The following MUC5AC variants were observed in gnomAD, a reference collection of about 807,000 sequenced individuals.
MUC5AC encodes the protein mucin 5AC, oligomeric mucus/gel-forming, also known as mucin-5AC.
Under a neutral mutation model 169.7 loss-of-function variants are expected in MUC5AC, and 158 were observed. The ratio of observed to expected loss-of-function variants is 0.93; its 90% CI spans 0.82 to 1.06. The LOEUF is 1.06. Among genes scored for constraint, MUC5AC ranks in the 50% least tolerant of loss-of-function variants. The pLI, the probability that MUC5AC is intolerant of heterozygous loss-of-function variation, is 0.00. For synonymous variants in MUC5AC, 1,975 were observed against 1,237.0 expected (o/e 1.60, Z -12.52); for missense variants, 4,359 against 3,089.9 (o/e 1.41, Z -9.74).
At position 1,193,652 on chromosome 11, in the gene MUC5AC, G is replaced by C. The variant is rs950764858; in HGVS notation, c.14748G>C (p.Gln4916His). The C allele has an allele frequency of 1.3e-6, 1 of 764,990 alleles. No individual in the cohort carries two copies. Among genetic ancestry groups the C allele is most frequent in the Non-Finnish European group, 2.4e-6 (1 of 417,814 alleles). 47.4% of individuals were successfully genotyped at this position (764,990 alleles called of 1,614,324 possible). The change falls in exon 33 of 49, where the codon CAG becomes CAC. Residue 4916 changes from glutamine (Q) to histidine (H), a missense_variant. Physicochemically the swap from Gln to His is conservative, Grantham distance 24 (BLOSUM62 0). Coordinates refer to ENST00000621226, the MANE Select transcript of MUC5AC (RefSeq NM_001304359.2). ...ADQDGCCHHY[Q>H]CQCVCSGWGD... ...AAGATGGCTGCTGCCATCACTACCAGTGCCAGTGTGAGTGGAGCGCCGAGC... is the reference window on the plus strand; with the variant it reads ...AAGATGGCTGCTGCCATCACTACCACTGCCAGTGTGAGTGGAGCGCCGAGC...
rs758986452 is a variant in MUC5AC at position 1,164,487 on chromosome 11, C to T, written c.1084C>T (p.Arg362Trp). 110 of 1,611,518 alleles carry T rather than the reference C, an allele frequency of 6.8e-5. No homozygotes were observed. Among genetic ancestry groups the T allele is most frequent in the African/African-American group, 2.7e-5 (2 of 74,924 alleles). ...CACCTGCTCCAACCAGGAGCACTCC[C>T]GGGCCTGTGAGGACCACTGTGTGGC... Reference protein sequence around the residue: ...ADTCSNQEHSRACEDHCVAGC... With the variant: ...ADTCSNQEHSWACEDHCVAGC... Residue 362 changes from arginine to tryptophan, a missense_variant, in exon 9 of 49, where the codon CGG becomes TGG. Physicochemically the swap from Arg to Trp is moderately radical, Grantham distance 101. Transcript: ENST00000621226.
rs878962167 is a variant in MUC5AC, at chr11:1,182,591, C to T, written c.4446C>T (p.Ser1482=). 2,475 of 398,792 alleles carry T rather than the reference C, an allele frequency of 6.2e-3. 11 individuals are homozygous for T. The highest frequency in any genetic ancestry group is 0.012 in the Middle Eastern group (19 of 1,588). 24.7% of individuals were successfully genotyped at this position (398,792 alleles called of 1,614,324 possible). A position where few individuals can be genotyped will look rare whatever the true frequency, so the allele number is the denominator to read the frequency against. ...AGTGCTGCACGCCCCTACCCTGCTC[C>T]ACCTCTAGCAGTCCAGCCCAGACCA... ...RVQCCTPLPC[S]TSSSPAQTTP... Residue 1482 remains serine (S), a synonymous_variant, in exon 31 of 49, where the codon TCC becomes TCT. Transcript: ENST00000621226.
intron 1 of MUC5AC, among the ~76,000 whole-genome samples, chr11:1,160,077 T>C (rs1195615579): frequency 1.3e-5 from 2 of 152,052 alleles, no homozygotes; most frequent in Non-Finnish European, 2.9e-5. Flanking sequence ...TGCAGGGCTG[T>C]GCGGGGCTGG....
In MUC5AC at chr11:1,181,192, C is replaced by T. The variant is rs1029883610; in HGVS notation, c.3820+10C>T. On this transcript the variant is annotated intron_variant, in intron 29 of 48. Coordinates refer to ENST00000621226, the MANE Select transcript of MUC5AC (RefSeq NM_001304359.2). ...ACCTACAAAGCTGAGGGTGAGCGGCCGGCAGCCCCTGGGGCTGGGGTCCGG... is the reference window on the plus strand; with the variant it reads ...ACCTACAAAGCTGAGGGTGAGCGGCTGGCAGCCCCTGGGGCTGGGGTCCGG... The T allele has an allele frequency of 1.3e-5, 5 of 398,532 alleles. No homozygotes were observed. Among genetic ancestry groups the T allele is most frequent in the Admixed American group, 8.8e-5 (2 of 22,724 alleles). 24.7% of individuals were successfully genotyped at this position (398,532 alleles called of 1,614,324 possible).
In MUC5AC at chr11:1,192,080, A is replaced by T. The variant is rs368632200; in HGVS notation, c.13935A>T (p.Gly4645=). 5.8e-5 allele frequency: 44 copies of T among 764,962 alleles called. No homozygotes were observed. In the African/African-American group the frequency reaches 6.8e-4, roughly 12 times the overall value. The allele number at this position is 764,962 out of a possible 1,614,324, so 47.4% of individuals were successfully genotyped here. The part of the protein sequence containing the change: ...KWFDVDFPSP[G]PHGGDKETYN... ...TCGACGTGGACTTCCCATCCCCTGG[A>T]CCCCACGGCGGGGACAAGGAAACCT... is the stretch of plus-strand genomic sequence containing the variant. The change falls in exon 31 of 49, where the codon GGA becomes GGT. Residue 4645 remains glycine, a synonymous_variant. Coordinates refer to ENST00000621226, the MANE Select transcript of MUC5AC (RefSeq NM_001304359.2).
At chr11:1,162,362 G>T (rs1860168576) in intron 4 of MUC5AC, among the ~76,000 whole-genome samples, 170 bp from the exon 5 acceptor site, 1 of 152,044 alleles carries the variant, frequency 6.6e-6, no homozygotes, top group Non-Finnish European at 1.5e-5. Flanking sequence ...CTCTTATTCT[G>T]CCCCTTCCTA....
intron 2 of MUC5AC, 138 bp from the exon 3 acceptor site, chr11:1,161,389 C>A: frequency 1.7e-6 from 1 of 591,846 alleles, no homozygotes; most frequent in Non-Finnish European, 2.8e-6. Flanking sequence ...TGGGAGGGGG[C>A]CCAACACGCA....
chr11:1,168,756 C>G lies in MUC5AC; in HGVS notation c.1682C>G (p.Pro561Arg). The G allele has an allele frequency of 6.2e-7, 1 of 1,605,968 alleles. No individual in the cohort carries two copies. Residue 561 changes from proline to arginine, a missense_variant, in exon 14 of 49, where the codon CCC becomes CGC. Transcript: ENST00000621226. The stretch of plus-strand genomic sequence containing the variant: ...ATGCAGCTGTTCATGCAGCTGGCGC[C>G]CAAGCTCCGTGGGCAGACCTGCGGT... ...PTMQLFMQLA[P>R]KLRGQTCGLC...
In MUC5AC at chr11:1,189,457, C is replaced by A; in HGVS notation, c.11312C>A (p.Pro3771His). Residue 3771 changes from proline to histidine, a missense_variant, in exon 31 of 49, where the codon CCT (proline) becomes CAT (histidine). Pro to His is a moderately conservative substitution (Grantham distance 77). Transcript: ENST00000621226. ...TSAPTSTSSAPTTNTTSAPTT... is the reference protein window; with the variant it reads ...TSAPTSTSSAHTTNTTSAPTT... ...GCTCCTACGAGCACTTCCTCGGCTC[C>A]TACAACCAACACAACCTCTGCCCCT... is the stretch of plus-strand genomic sequence containing the variant. The A allele has an allele frequency of 1.8e-6, 1 of 568,664 alleles. No homozygotes were observed. Among genetic ancestry groups the A allele is most frequent in the South Asian group, 2.5e-5 (1 of 39,850 alleles). 35.2% of individuals were successfully genotyped at this position (568,664 alleles called of 1,614,324 possible).
rs1860984197 is a variant in MUC5AC at position 1,187,567 on chromosome 11, C to T, written c.9422C>T (p.Thr3141Ile). ...ACCTCTCCTCCTACAACCAGCACAA[C>T]TTCTGCCTCTACAGCCAGCAAAACC... The part of the protein sequence containing the change: ...STTSPPTTST[T>I]SASTASKTSG... Residue 3141 changes from threonine to isoleucine, a missense_variant, in exon 31 of 49, where the codon ACT becomes ATT. Coordinates refer to ENST00000621226, the MANE Select transcript of MUC5AC (RefSeq NM_001304359.2). 1.3e-6 allele frequency: 1 copy of T among 754,950 alleles called. No homozygotes were observed. The highest frequency in any genetic ancestry group is 1.7e-5 in the African/African-American group (1 of 58,770). 46.8% of individuals were successfully genotyped at this position (754,950 alleles called of 1,614,324 possible).
chr11:1,161,914 C>T lies in MUC5AC; in HGVS notation c.219C>T (p.Asn73=). The T allele has an allele frequency of 1.2e-6, 2 of 1,611,532 alleles. No homozygotes were observed. The highest frequency in any genetic ancestry group is 8.5e-7 in the Non-Finnish European group (1 of 1,179,458). Residue 73 remains asparagine (N), a synonymous_variant, in exon 4 of 49, where the codon AAC becomes AAT. Transcript: ENST00000621226. ...LRTIPVVRAS[N]PAHNGRVCST... Reference sequence around the variant, plus strand: ...ATGCTGCTTCCACCGCAGCCTCCAACCCGGCGCACAACGGGCGGGTGTGCA... The same window carrying T: ...ATGCTGCTTCCACCGCAGCCTCCAATCCGGCGCACAACGGGCGGGTGTGCA...
chr11:1,191,164 G>T lies in MUC5AC; in HGVS notation c.13019G>T (p.Gly4340Val), dbSNP rs1861087065. The T allele has an allele frequency of 1.3e-5, 9 of 690,536 alleles. No individual in the cohort carries two copies. Among genetic ancestry groups the T allele is most frequent in the Middle Eastern group, 2.4e-4 (1 of 4,134 alleles). The allele number at this position is 690,536 out of a possible 1,614,324, so 42.8% of individuals were successfully genotyped here. Residue 4340 changes from glycine to valine, a missense_variant, in exon 31 of 49, where the codon GGT becomes GTT. By Grantham distance (109) the Gly-to-Val change is moderately radical. Coordinates refer to ENST00000621226, the MANE Select transcript of MUC5AC (RefSeq NM_001304359.2). ...TSAPITSTTS[G>V]PGSTPSPVPT... ...GCTCCTATAACCAGCACAACCTCTG[G>T]TCCTGGAAGTACTCCCAGCCCTGTT...
intron 31 of MUC5AC, 39 bp downstream of exon 31, chr11:1,192,564 C>A (rs1192374297): frequency 2.6e-6 from 2 of 754,766 alleles, no homozygotes; most frequent in Non-Finnish European, 4.9e-6. Context: ...TCTGAGCTCA[C>A]CCTGGTCAGT....
intron 15 of MUC5AC, among the ~76,000 whole-genome samples, chr11:1,169,881 C>T: frequency 7.4e-6 from 1 of 134,816 alleles, no homozygotes. Flanking sequence ...CACCCACTCA[C>T]TCACCCACTC....
chr11:1,162,436 C>T (rs369162365), intron 4 of MUC5AC, 96 bp from the exon 5 acceptor site: 148 of 1,176,434 alleles, frequency 1.3e-4, no homozygotes, highest in African/African-American at 3.5e-4. Context: ...TTCACGGTCA[C>T]GATGACCGTG....
intron 45 of MUC5AC, 78 bp downstream of exon 45, chr11:1,199,263 A>G (rs2133779502): frequency 1.4e-6 from 1 of 704,986 alleles, no homozygotes; most frequent in Middle Eastern, 2.8e-4. Flanking sequence ...GTTGCCAGGC[A>G]TGCGTCTGGC....
chr11:1,184,655 C>T lies in MUC5AC; in HGVS notation c.6510C>T (p.His2170=), dbSNP rs1338141631. 2 of 669,524 alleles carry T rather than the reference C, an allele frequency of 3.0e-6. No homozygotes were observed. The highest frequency in any genetic ancestry group is 4.4e-5 in the Admixed American group (2 of 45,204). The allele number at this position is 669,524 out of a possible 1,614,324, so 41.5% of individuals were successfully genotyped here. Residue 2170 remains histidine, a synonymous_variant, in exon 31 of 49, where the codon CAC becomes CAT. Coordinates refer to ENST00000621226, the MANE Select transcript of MUC5AC (RefSeq NM_001304359.2). ...ITRLQCRAKS[H]PEVSIEHLGQ... is the part of the protein sequence containing the mutation. Reference sequence around the variant, plus strand: ...GGCTCCAGTGCCGAGCCAAGAGCCACCCAGAGGTGAGCATCGAACACCTGG... The same window carrying T: ...GGCTCCAGTGCCGAGCCAAGAGCCATCCAGAGGTGAGCATCGAACACCTGG...
At position 1,180,519 on chromosome 11, in the gene MUC5AC, G is replaced by A. The variant is rs1012774594; in HGVS notation, c.3776+3G>A. Reference sequence around the variant, plus strand: ...TCGGACAAGAACTGCCAGTCCTGGTGAGTCCTTTGGGGGGAGGAATATGGA... The same window carrying A: ...TCGGACAAGAACTGCCAGTCCTGGTAAGTCCTTTGGGGGGAGGAATATGGA... On this transcript the variant is annotated splice_donor_region_variant and intron_variant, in intron 28 of 48. Coordinates refer to ENST00000621226, the MANE Select transcript of MUC5AC (RefSeq NM_001304359.2). The A allele has an allele frequency of 2.2e-4, 89 of 398,794 alleles. No homozygotes were observed. The highest frequency in any genetic ancestry group is 1.7e-3 in the African/African-American group (83 of 48,754). 24.7% of individuals were successfully genotyped at this position (398,794 alleles called of 1,614,324 possible). A position where few individuals can be genotyped will look rare whatever the true frequency, so the allele number is the denominator to read the frequency against.
chr11:1,193,465 A>T lies in MUC5AC; in HGVS notation c.14581-20A>T. 1 of 711,330 alleles carries T rather than the reference A, an allele frequency of 1.4e-6. No individual in the cohort carries two copies. The highest frequency in any genetic ancestry group is 2.6e-6 in the Non-Finnish European group (1 of 389,560). The allele number at this position is 711,330 out of a possible 1,614,324, so 44.1% of individuals were successfully genotyped here. On this transcript the variant is annotated intron_variant, in intron 32 of 48. Coordinates refer to ENST00000621226, the MANE Select transcript of MUC5AC (RefSeq NM_001304359.2). ...GAGATCGGGAGAGGCCGGACCCTGCAGGTCTCTGTGCTTCTGCAGAAAGGT... is the reference window on the plus strand; with the variant it reads ...GAGATCGGGAGAGGCCGGACCCTGCTGGTCTCTGTGCTTCTGCAGAAAGGT...
Sources: gnomAD v4.1 joint callset for allele counts (sites outside exome capture counted in the v4.1 genomes callset) on GRCh38, gnomAD v4.1.1 for gene constraint, MANE v1.5 for transcripts, NCBI Gene and HGNC (gene_info 2026-07-23, HGNC 2026-07-21) for gene names.